MKRN1: variants seen among roughly 807,000 people sequenced by gnomAD.
MKRN1 encodes makorin ring finger protein 1.
In MKRN1, 9 loss-of-function variants were observed where a neutral mutation model predicts 55.5. That is an observed-to-expected ratio of 0.16 (90% CI 0.10 to 0.28). The LOEUF is 0.28. Among genes scored for constraint, MKRN1 ranks in the 10% least tolerant of loss-of-function variants. The pLI is 1.00. For synonymous variants in MKRN1, 253 were observed against 235.9 expected (o/e 1.07, Z -0.66); for missense variants, 488 against 626.7 (o/e 0.78, Z 2.36).
chr7:140,459,028 G>T lies in MKRN1; in HGVS notation c.750C>A (p.Ala250=), dbSNP rs1366393908. The change falls in exon 4 of 8, where the codon GCC becomes GCA. Residue 250 remains alanine (A), a synonymous_variant. Coordinates refer to ENST00000255977, the MANE Select transcript of MKRN1 (RefSeq NM_013446.4). ...TTACTTTGATATGCTGCGATCTCTGGGCAGCATCCATTGGATGCAGGACCT... is the reference window on the plus strand; with the variant it reads ...TTACTTTGATATGCTGCGATCTCTGTGCAGCATCCATTGGATGCAGGACCT... ...GLQVLHPMDA[A]QRSQHIKSCI... 1 of 1,613,772 alleles carries T rather than the reference G, an allele frequency of 6.2e-7. No individual in the cohort carries two copies. The highest frequency in any genetic ancestry group is 1.1e-5 in the South Asian group (1 of 91,066).
In MKRN1 at chr7:140,479,453, T is replaced by G. The variant is rs1307641630; in HGVS notation, c.-109A>C. On this transcript the variant is annotated 5_prime_UTR_variant, in exon 1 of 8. Coordinates refer to ENST00000255977, the MANE Select transcript of MKRN1 (RefSeq NM_013446.4). ...CCAGGCGAGGGGAGGGGAAGGACAC[T>G]GAGGCACCCGTTCGGTCCCCGCCTG... 33 of 1,131,738 alleles carry G rather than the reference T, an allele frequency of 2.9e-5. No homozygotes were observed. The highest frequency in any genetic ancestry group is 3.7e-5 in the Non-Finnish European group (33 of 891,732). 70.1% of individuals were successfully genotyped at this position (1,131,738 alleles called of 1,614,324 possible). A position where few individuals can be genotyped will look rare whatever the true frequency, so the allele number is the denominator to read the frequency against.
rs1029660832 is a variant in MKRN1, at chr7:140,456,161, AAAG to A, written c.987-264_987-262del. On this transcript the variant is annotated intron_variant, in intron 5 of 7. Transcript: ENST00000255977. ...ATAACTTAGGTAAAAAACAAAAACAAAAGAAGACATTTCACACAGACTCCTTTT... is the reference window on the plus strand; with the variant it reads ...ATAACTTAGGTAAAAAACAAAAACAAAAGACATTTCACACAGACTCCTTTT... 7.4e-6 allele frequency: 9 copies of A among 1,208,160 alleles called. No individual in the cohort carries two copies. The African/African-American group carries it at 1.1e-4, about 15-fold the overall frequency. 74.8% of individuals were successfully genotyped at this position (1,208,160 alleles called of 1,614,324 possible).
chr7:140,475,935 A>G (rs933530089), intron 1 of MKRN1, among the ~76,000 whole-genome samples: 2 of 152,158 alleles, frequency 1.3e-5, no homozygotes. Context: ...TATGAAAAAC[A>G]GCCTGGTGGT....
At chr7:140,461,124 T>C (rs747933712) in intron 2 of MKRN1, among the ~76,000 whole-genome samples, 4 of 152,222 alleles carry the variant, frequency 2.6e-5, no homozygotes, top group South Asian at 2.1e-4. Flanking sequence ...TAAGCAGACA[T>C]GTGGAACATT....
intron 1 of MKRN1, chr7:140,474,443 G>C (rs1194486551): frequency 8.4e-6 from 3 of 358,602 alleles, no homozygotes; most frequent in East Asian, 1.1e-4. Flanking sequence ...GGGTTGGGGG[G>C]GGCCCAGAGG....
In MKRN1 at chr7:140,453,113, G is replaced by C. The variant is rs1273143563; in HGVS notation, c.*1404C>G. 3.3e-5 allele frequency: 5 copies of C among 152,530 alleles called. No individual in the cohort carries two copies. The highest frequency in any genetic ancestry group is 1.2e-4 in the African/African-American group (5 of 41,404). The allele number at this position is 152,530 out of a possible 1,614,324, so 9.4% of individuals were successfully genotyped here. ...TACAAAAGGGCAGCTGCAAAATACAGAGACCTCTGCAACAATTATTTGTTT... is the reference window on the plus strand; with the variant it reads ...TACAAAAGGGCAGCTGCAAAATACACAGACCTCTGCAACAATTATTTGTTT... On this transcript the variant is annotated 3_prime_UTR_variant, in exon 8 of 8. Transcript: ENST00000255977.
rs759317398 is a variant in MKRN1, at chr7:140,459,725, G to T, written c.526C>A (p.Gln176Lys). The change falls in exon 3 of 8, where the codon CAA becomes AAA. Residue 176 changes from glutamine (Q) to lysine (K), a missense_variant. This residue lies in a region of MKRN1 where 278 missense variants were observed against 406.7 expected (regional missense o/e 0.68). Transcript: ENST00000255977. ...TACTTACTACGGCCACAGTAGGGTT[G>T]CCCAGGAACAAACTCAATAGCATTC... Reference protein sequence around the residue: ...WVNAIEFVPGQPYCGRTAPSC... With the variant: ...WVNAIEFVPGKPYCGRTAPSC... 2 of 1,613,880 alleles carry T rather than the reference G, an allele frequency of 1.2e-6. No individual in the cohort carries two copies. Among genetic ancestry groups the T allele is most frequent in the Admixed American group, 3.3e-5 (2 of 60,002 alleles).
intron 1 of MKRN1, chr7:140,475,325 A>C (rs896748994): frequency 2.6e-6 from 1 of 378,722 alleles, no homozygotes; most frequent in Non-Finnish European, 5.2e-6. Context: ...CTTGGGCGAC[A>C]CAGACTCCAT....
At position 140,455,218 on chromosome 7, in the gene MKRN1, C is replaced by G. The variant is rs1416747785; in HGVS notation, c.1113G>C (p.Arg371Ser). The G allele has an allele frequency of 6.2e-7, 1 of 1,614,100 alleles. No individual in the cohort carries two copies. Among genetic ancestry groups the G allele is most frequent in the Non-Finnish European group, 8.5e-7 (1 of 1,180,026 alleles). The change falls in exon 7 of 8, where the codon AGG becomes AGC. Residue 371 changes from arginine to serine, a missense_variant. Transcript: ENST00000255977. Reference sequence around the variant, plus strand: ...AGCTCCCACGTCCTTCATCAAAATACCTGCACGCCTTGTTGCTGGAAAGGA... The same window carrying G: ...AGCTCCCACGTCCTTCATCAAAATAGCTGCACGCCTTGTTGCTGGAAAGGA... Reference protein sequence around the residue: ...YKEAMSNKACRYFDEGRGSCP... With the variant: ...YKEAMSNKACSYFDEGRGSCP...
At position 140,479,421 on chromosome 7, in the gene MKRN1, G is replaced by T. The variant is rs1795227150; in HGVS notation, c.-77C>A. On this transcript the variant is annotated 5_prime_UTR_variant, in exon 1 of 8. Transcript: ENST00000255977. The stretch of plus-strand genomic sequence containing the variant: ...TCCGGTCCGGCTGCGGGGAGAGGAC[G>T]GCGAGGCCAGGCGAGGGGAGGGGAA... 17 of 1,235,752 alleles carry T rather than the reference G, an allele frequency of 1.4e-5. No individual in the cohort carries two copies. The highest frequency in any genetic ancestry group is 1.4e-5 in the Non-Finnish European group (14 of 980,944). 76.5% of individuals were successfully genotyped at this position (1,235,752 alleles called of 1,614,324 possible). A position where few individuals can be genotyped will look rare whatever the true frequency, so the allele number is the denominator to read the frequency against.
At chr7:140,460,697 T>C (rs75795158) in intron 2 of MKRN1, among the ~76,000 whole-genome samples, 9 of 152,320 alleles carry the variant, frequency 5.9e-5, no homozygotes, top group African/African-American at 1.7e-4. Context: ...TATTTAGTTA[T>C]ACCATGTGTG....
intron 2 of MKRN1, among the ~76,000 whole-genome samples, chr7:140,470,767 A>G (rs1794900425): frequency 6.6e-6 from 1 of 152,044 alleles, no homozygotes; most frequent in Non-Finnish European, 1.5e-5. Flanking sequence ...AATATAAAAA[A>G]TTAGCCGGGC....
At chr7:140,464,105 G>A (rs1239191492) in intron 2 of MKRN1, among the ~76,000 whole-genome samples, 2 of 151,826 alleles carry the variant, frequency 1.3e-5, no homozygotes, top group African/African-American at 4.8e-5. Context: ...TTTTAGTAGA[G>A]ACGGGGTTTC....
chr7:140,472,085 C>T (rs1794944861), intron 1 of MKRN1, 74 bp from the exon 2 acceptor site: 2 of 1,576,714 alleles, frequency 1.3e-6, no homozygotes, highest in Non-Finnish European at 1.7e-6. Flanking sequence ...GTATTCATGA[C>T]TAATATATTC....
intron 2 of MKRN1, among the ~76,000 whole-genome samples, chr7:140,461,676 C>T (rs1585472666): frequency 6.6e-6 from 1 of 151,868 alleles, no homozygotes; most frequent in African/African-American, 2.4e-5. Context: ...AAGCATCTTT[C>T]TGCCTGAGAA....
At chr7:140,479,122 C>T in intron 1 of MKRN1, 38 bp downstream of exon 1, 1 of 1,295,614 alleles carries the variant, frequency 7.7e-7, no homozygotes, top group East Asian at 3.2e-5. Flanking sequence ...CCCGCGGCCC[C>T]CTCCCCGCGC....
chr7:140,466,127 A>T (rs1794758904), intron 2 of MKRN1, among the ~76,000 whole-genome samples: 1 of 152,192 alleles, frequency 6.6e-6, no homozygotes, highest in African/African-American at 2.4e-5. Flanking sequence ...TATCATTCTA[A>T]CAGGAAAACA....
At chr7:140,474,490 CT>C in intron 1 of MKRN1, 1 of 278,538 alleles carries the variant, frequency 3.6e-6, no homozygotes, top group Non-Finnish European at 7.0e-6. Context: ...GAGACTCCGT[CT>C]CAAAAAAAAA....
chr7:140,456,221 C>T lies in MKRN1; in HGVS notation c.987-321G>A. The T allele has an allele frequency of 2.6e-6, 3 of 1,159,026 alleles. No homozygotes were observed. The South Asian group carries it at 8.5e-5, about 33-fold the overall frequency. 71.8% of individuals were successfully genotyped at this position (1,159,026 alleles called of 1,614,324 possible). A position where few individuals can be genotyped will look rare whatever the true frequency, so the allele number is the denominator to read the frequency against. ...GTTTAAATAAATTTATTTCTTGTAG[C>T]TTTGCTCTGTTTAGATTATGTGGTT... On this transcript the variant is annotated intron_variant, in intron 5 of 7. Coordinates refer to ENST00000255977, the MANE Select transcript of MKRN1 (RefSeq NM_013446.4).
Sources: allele counts gnomAD v4.1 joint callset (sites outside exome capture counted in the v4.1 genomes callset), GRCh38; gene constraint gnomAD v4.1.1; regional missense constraint gnomAD v4.1.1; transcripts MANE v1.5; gene names NCBI Gene and HGNC (gene_info 2026-07-23, HGNC 2026-07-21).